The following CFAP300 variants were observed in gnomAD, a reference collection of about 807,000 sequenced individuals.
CFAP300 encodes cilia- and flagella-associated protein 300.
Under a neutral mutation model 33.0 loss-of-function variants are expected in CFAP300, and 32 were observed. The ratio of observed to expected loss-of-function variants is 0.97; its 90% confidence interval spans 0.73 to 1.30. CFAP300 has a LOEUF of 1.30. Among genes scored for constraint, CFAP300 ranks in the 50% most tolerant of loss-of-function variants. CFAP300 has a pLI of 0.00. For synonymous variants in CFAP300, 102 were observed against 106.8 expected (o/e 0.95, Z 0.28); for missense variants, 356 against 318.1 (o/e 1.12, Z -0.90).
At chr11:102,049,561 T>C (rs1565386503) in intron 2 of CFAP300, among the ~76,000 whole-genome samples, 1 of 152,182 alleles carries the variant, frequency 6.6e-6, no homozygotes, top group African/African-American at 2.4e-5. Context: ...CATTATATTA[T>C]AATGCTACTG....
chr11:102,066,355 T>G, intron 3 of CFAP300, 130 bp from the exon 4 acceptor site: 1 of 548,810 alleles, frequency 1.8e-6, no homozygotes, highest in African/African-American at 1.9e-5. Flanking sequence ...CTAATATATA[T>G]TTTAAATATA....
At position 102,064,841 on chromosome 11, in the gene CFAP300, T is replaced by C. The variant is rs922442047; in HGVS notation, c.269-1644T>C. Among the ~76,000 whole-genome samples the C allele has an allele frequency of 4.8e-4, 73 of 152,288 alleles. 2 individuals carry two copies. The highest frequency in any genetic ancestry group is 2.4e-4 in the Non-Finnish European group (16 of 68,022). On this transcript the variant is annotated intron_variant, in intron 3 of 6. Coordinates refer to ENST00000434758, the MANE Select transcript of CFAP300 (RefSeq NM_032930.3). The stretch of plus-strand genomic sequence containing the variant: ...ATAATAAAAATATTCATTTTAATCT[T>C]TATGACTTTCTGTAATTTAATGGGA...
intron 2 of CFAP300, among the ~76,000 whole-genome samples, chr11:102,053,485 A>G (rs1942003855): frequency 1.3e-5 from 2 of 152,154 alleles, no homozygotes; most frequent in Admixed American, 1.3e-4. Flanking sequence ...CAGGAGGCGG[A>G]GGCTGCGGTG....
At chr11:102,081,719 C>T (rs935778941) in intron 6 of CFAP300, among the ~76,000 whole-genome samples, 3 of 151,946 alleles carry the variant, frequency 2.0e-5, no homozygotes, top group Admixed American at 6.6e-5. Flanking sequence ...TGTGAAACCC[C>T]GTCTCTACTA....
chr11:102,055,068 C>T (rs542239928), intron 2 of CFAP300, among the ~76,000 whole-genome samples: 4 of 151,482 alleles, frequency 2.6e-5, no homozygotes, highest in Admixed American at 1.3e-4. Context: ...GCAACCTCTG[C>T]CTCCGGGATT....
chr11:102,047,567 C>T lies in CFAP300; in HGVS notation c.97C>T (p.Arg33Trp). The change falls in exon 1 of 7, where the codon CGG (arginine) becomes TGG (tryptophan). Residue 33 changes from arginine to tryptophan, a missense_variant. By Grantham distance (101) the Arg-to-Trp change is moderately radical. Coordinates refer to ENST00000434758, the MANE Select transcript of CFAP300 (RefSeq NM_032930.3). ...TCTGAGCTCTAAGGAGATCACCAGC[C>T]GGCTCCGCCAGTGGTGAGGAACCGA... The part of the protein sequence containing the change: ...QSLSSKEITS[R>W]LRQWSMLGRI... The T allele has an allele frequency of 1.3e-6, 2 of 1,535,922 alleles. No individual in the cohort carries two copies. The highest frequency in any genetic ancestry group is 8.7e-7 in the Non-Finnish European group (1 of 1,146,716).
intron 5 of CFAP300, among the ~76,000 whole-genome samples, chr11:102,079,389 A>G (rs147942653): frequency 1.5e-4 from 23 of 152,356 alleles, no homozygotes; most frequent in Non-Finnish European, 3.4e-4. Context: ...CAGTATGTTA[A>G]GCAATAGAGA....
chr11:102,062,770 A>C (rs1942167340), intron 3 of CFAP300, among the ~76,000 whole-genome samples: 1 of 152,222 alleles, frequency 6.6e-6, no homozygotes, highest in Non-Finnish European at 1.5e-5. Context: ...CACTGTTCAG[A>C]ACACTGAACA....
intron 6 of CFAP300, among the ~76,000 whole-genome samples, chr11:102,081,597 A>C (rs1395754866): frequency 6.6e-6 from 1 of 152,204 alleles, no homozygotes; most frequent in Non-Finnish European, 1.5e-5. Flanking sequence ...GCAGATAAAT[A>C]AGAATGCCAC....
chr11:102,078,008 A>C (rs1458830308), intron 5 of CFAP300, among the ~76,000 whole-genome samples: 1 of 151,990 alleles, frequency 6.6e-6, no homozygotes, highest in Non-Finnish European at 1.5e-5. Flanking sequence ...CTCCCACCTT[A>C]GCCTCCCGAA....
chr11:102,054,376 G>C (rs1024893607), intron 2 of CFAP300, among the ~76,000 whole-genome samples: 2 of 152,060 alleles, frequency 1.3e-5, no homozygotes, highest in Non-Finnish European at 2.9e-5. Context: ...GTATTAGGAA[G>C]TCAAAGGTAC....
chr11:102,071,334 G>T (rs778349172), intron 4 of CFAP300, among the ~76,000 whole-genome samples: 18 of 152,078 alleles, frequency 1.2e-4, no homozygotes, highest in Non-Finnish European at 1.6e-4. Flanking sequence ...AAGTGAGTTT[G>T]CTATGGGCAA....
In CFAP300 at chr11:102,074,546, TTG is replaced by T. The variant is rs533251352; in HGVS notation, c.436-1325_436-1324del. On this transcript the variant is annotated intron_variant, in intron 4 of 6. Transcript: ENST00000434758. ...ATCTACTTGCTATTTTGGTTCTACT[TTG>T]TTCAGGAAGTGAGTGCCAGATGCTT... is the stretch of plus-strand genomic sequence containing the variant. 4.3e-3 allele frequency among the ~76,000 whole-genome samples: 658 copies of T among 152,292 alleles called. 6 individuals carry two copies. Among genetic ancestry groups the T allele is most frequent in the Middle Eastern group, 0.014 (4 of 294 alleles).
chr11:102,079,726 A>G (rs1417996631), intron 5 of CFAP300, among the ~76,000 whole-genome samples: 2 of 152,190 alleles, frequency 1.3e-5, no homozygotes, highest in African/African-American at 4.8e-5. Context: ...AATTTTACCT[A>G]TACATGTCAC....
chr11:102,067,742 C>A (rs797002023), intron 4 of CFAP300, among the ~76,000 whole-genome samples: 4 of 152,230 alleles, frequency 2.6e-5, no homozygotes, highest in African/African-American at 9.6e-5. Flanking sequence ...CTCATCTCTA[C>A]AAAAATATGA....
chr11:102,053,068 A>G (rs1941995088), intron 2 of CFAP300, among the ~76,000 whole-genome samples: 1 of 151,890 alleles, frequency 6.6e-6, no homozygotes, highest in Non-Finnish European at 1.5e-5. Flanking sequence ...TCTCTACTAA[A>G]AAACACAAAA....
At chr11:102,052,735 A>C (rs1941989416) in intron 2 of CFAP300, among the ~76,000 whole-genome samples, 2 of 152,274 alleles carry the variant, frequency 1.3e-5, no homozygotes, top group African/African-American at 4.8e-5. Context: ...CCTCCTAAAT[A>C]ACATTAAATC....
intron 4 of CFAP300, among the ~76,000 whole-genome samples, chr11:102,068,326 G>A (rs1169681994): frequency 6.6e-6 from 1 of 152,102 alleles, no homozygotes; most frequent in East Asian, 1.9e-4. Flanking sequence ...GAGAAAGGGA[G>A]GTATCCAACC....
At chr11:102,070,151 GAGGA>G (rs746324397) in intron 4 of CFAP300, among the ~76,000 whole-genome samples, 5 of 152,140 alleles carry the variant, frequency 3.3e-5, no homozygotes, top group Non-Finnish European at 7.4e-5. Flanking sequence ...GGGAAAGAGG[GAGGA>G]AGGAAGGAAG....
Sources: allele counts gnomAD v4.1 joint callset (sites outside exome capture counted in the v4.1 genomes callset), GRCh38; gene constraint gnomAD v4.1.1; transcripts MANE v1.5; gene names NCBI Gene and HGNC (gene_info 2026-07-23, HGNC 2026-07-21).